The following ACTR3C variants were observed in gnomAD, a reference collection of about 807,000 sequenced individuals.
The protein encoded by ACTR3C is actin-related protein 3C.
A neutral mutation model predicts 26.3 loss-of-function variants in ACTR3C; 18 were observed. That is an observed-to-expected ratio of 0.68 (90% CI 0.47 to 1.01). The LOEUF (loss-of-function observed/expected upper bound fraction) is 1.01. Ranked by LOEUF, ACTR3C falls within the 50% of genes least tolerant of loss-of-function variation. ACTR3C has a pLI of 0.00. For synonymous variants in ACTR3C, 55 were observed against 94.5 expected, an observed-to-expected ratio of 0.58 and a Z score of 2.42; for missense variants, 184 against 250.7, an observed-to-expected ratio of 0.73 and a Z score of 1.80.
the ACTR3C span, among the ~76,000 whole-genome samples, chr7:150,031,482 G>A: frequency 6.6e-6 from 1 of 152,070 alleles, no homozygotes; most frequent in Non-Finnish European, 1.5e-5. Flanking sequence ...AGGCCAGTCA[G>A]AAGACATCCT....
chr7:150,082,806 C>G, the ACTR3C span, among the ~76,000 whole-genome samples: 1 of 151,948 alleles, frequency 6.6e-6, no homozygotes, highest in Admixed American at 6.6e-5. Flanking sequence ...TATCTCCTCA[C>G]TTATGAAGAA....
the ACTR3C span, among the ~76,000 whole-genome samples, chr7:150,023,566 T>C: frequency 6.6e-6 from 1 of 151,950 alleles, no homozygotes; most frequent in Non-Finnish European, 1.5e-5. Flanking sequence ...TTTAAATAAA[T>C]TAAGCAACAG....
the ACTR3C span, among the ~76,000 whole-genome samples, chr7:150,008,409 G>A: frequency 1.9e-4 from 29 of 152,328 alleles, no homozygotes; most frequent in East Asian, 3.1e-3. Flanking sequence ...GCCGCACGTG[G>A]CTCCAGTTCA....
chr7:150,084,470 G>C, the ACTR3C span, among the ~76,000 whole-genome samples: 5 of 152,118 alleles, frequency 3.3e-5, no homozygotes, highest in Admixed American at 6.6e-5. Flanking sequence ...TGTGTGGCGG[G>C]GGGAGAGAGA....
At chr7:150,068,678 G>A in the ACTR3C span, among the ~76,000 whole-genome samples, 1 of 149,756 alleles carries the variant, frequency 6.7e-6, no homozygotes, top group Non-Finnish European at 1.5e-5. Context: ...AGCTACTCGG[G>A]AGGCTGAGGC....
the ACTR3C span, among the ~76,000 whole-genome samples, chr7:150,195,470 C>G: frequency 6.6e-6 from 1 of 152,124 alleles, no homozygotes; most frequent in Non-Finnish European, 1.5e-5. Flanking sequence ...ATTGGCAATA[C>G]ATTTTCTCAC....
chr7:150,241,997 C>A (rs1370787340), downstream of ACTR3C, among the ~76,000 whole-genome samples: 1 of 152,142 alleles, frequency 6.6e-6, no homozygotes, highest in Non-Finnish European at 1.5e-5. Context: ...GCGGGCGGAT[C>A]ACAAGGTCAG....
the ACTR3C span, among the ~76,000 whole-genome samples, chr7:149,903,477 G>A: frequency 6.7e-5 from 10 of 149,938 alleles, no homozygotes; most frequent in South Asian, 1.7e-3. Context: ...ATATTTTGAC[G>A]ACAGCAACGA....
chr7:149,904,673 A>T, the ACTR3C span, among the ~76,000 whole-genome samples: 1 of 146,792 alleles, frequency 6.8e-6, no homozygotes, highest in African/African-American at 2.4e-5. Context: ...GTCAAATTTG[A>T]TGTCAAATTT....
chr7:150,035,053 G>A, the ACTR3C span, among the ~76,000 whole-genome samples: 16 of 130,106 alleles, frequency 1.2e-4, no homozygotes, highest in South Asian at 5.1e-4. Flanking sequence ...GTAATCCCAC[G>A]TAAGGTACCT....
chr7:150,037,759 CG>C, the ACTR3C span, among the ~76,000 whole-genome samples: 105 of 41,852 alleles, frequency 2.5e-3, 3 homozygotes, highest in East Asian at 0.014. Context: ...CCCACCCTCG[CG>C]GGGGGTGCCT....
chr7:150,309,867 G>A (rs1268930536), intron 1 of ACTR3C, among the ~76,000 whole-genome samples: 1 of 152,190 alleles, frequency 6.6e-6, no homozygotes, highest in Non-Finnish European at 1.5e-5. Context: ...GACCATCATG[G>A]ACGCCGAGCT....
chr7:149,984,506 G>C, the ACTR3C span, among the ~76,000 whole-genome samples: 21,372 of 148,984 alleles, frequency 0.14, 3,081 homozygotes, highest in African/African-American at 0.37. Flanking sequence ...GCCTGGCCAC[G>C]TTTTATCTAT....
At chr7:150,148,822 G>A in the ACTR3C span, among the ~76,000 whole-genome samples, 1 of 151,890 alleles carries the variant, frequency 6.6e-6, no homozygotes. Context: ...GTACCTAAAT[G>A]TTTACTTTTA....
At chr7:150,224,235 G>GT in the ACTR3C span, among the ~76,000 whole-genome samples, 1 of 152,164 alleles carries the variant, frequency 6.6e-6, no homozygotes, top group Non-Finnish European at 1.5e-5. Flanking sequence ...GGATGGGATT[G>GT]TTGGAAGCCT....
At chr7:149,955,090 T>C in the ACTR3C span, among the ~76,000 whole-genome samples, 83 of 152,370 alleles carry the variant, frequency 5.4e-4, no homozygotes, top group Non-Finnish European at 9.8e-4. Context: ...TTGCCACAAA[T>C]GTGGGCCTCT....
chr7:149,902,929 G>T, the ACTR3C span, among the ~76,000 whole-genome samples: 1 of 29,262 alleles, frequency 3.4e-5, no homozygotes. Context: ...TTAAAGTACA[G>T]TGTCTCAAAA....
the ACTR3C span, among the ~76,000 whole-genome samples, chr7:150,003,662 G>A: frequency 6.6e-6 from 1 of 152,156 alleles, no homozygotes; most frequent in African/African-American, 2.4e-5. Context: ...TGGAGTGTGT[G>A]TGGTATATAG....
intron 6 of ACTR3C, among the ~76,000 whole-genome samples, chr7:150,277,239 C>A (rs1279885932): frequency 6.6e-6 from 1 of 152,136 alleles, no homozygotes; most frequent in Admixed American, 6.5e-5. Context: ...ATCTGTAATT[C>A]CAGCACTTTG....
Sources: gnomAD v4.1 joint callset for allele counts (sites outside exome capture counted in the v4.1 genomes callset) on GRCh38, gnomAD v4.1.1 for gene constraint, MANE v1.5 for transcripts, NCBI Gene and HGNC (gene_info 2026-07-23, HGNC 2026-07-21) for gene names.